CALD1: variants seen among roughly 807,000 people sequenced by gnomAD.
CALD1 encodes caldesmon 1.
In CALD1, 33 loss-of-function variants were observed where a neutral mutation model predicts 99.9. The ratio of observed to expected loss-of-function variants is 0.33; its 90% CI spans 0.25 to 0.44. The LOEUF (loss-of-function observed/expected upper bound fraction) is 0.44. CALD1 is among the 20% of genes least tolerant of loss of function. The probability of loss-of-function intolerance (pLI) is 1.00; values close to 1 mark genes in which losing one functional copy is unlikely to be tolerated. For synonymous variants in CALD1, 310 were observed against 325.0 expected (o/e 0.95, Z 0.50); for missense variants, 861 against 962.1 (o/e 0.89, Z 1.39).
At chr7:134,756,479 G>T (rs1030849273) in intron 1 of CALD1, among the ~76,000 whole-genome samples, 1 of 151,924 alleles carries the variant, frequency 6.6e-6, no homozygotes, top group African/African-American at 2.4e-5. Flanking sequence ...ATCTATTAGT[G>T]AGAGTTTGGG....
At position 134,851,551 on chromosome 7, in the gene CALD1, G is replaced by A. The variant is rs551568383; in HGVS notation, c.-42+7580G>A. Among the ~76,000 whole-genome samples the A allele has an allele frequency of 2.6e-5, 4 of 152,306 alleles. No individual in the cohort carries two copies. In the East Asian group the frequency reaches 5.8e-4, roughly 22 times the overall value. On this transcript the variant is annotated intron_variant, in intron 2 of 14. Transcript: ENST00000361675. The stretch of plus-strand genomic sequence containing the variant: ...TCATGACAAGCTAGGTTATGCTGGT[G>A]TCAGAAACAGCCAAAATCTCAGCAA...
chr7:134,850,557 T>C (rs1350880828), intron 2 of CALD1, among the ~76,000 whole-genome samples: 1 of 152,204 alleles, frequency 6.6e-6, no homozygotes, highest in African/African-American at 2.4e-5. Flanking sequence ...GCTTGGTACA[T>C]AGTAAGTGCT....
chr7:134,864,930 T>C (rs1800735633), intron 2 of CALD1, among the ~76,000 whole-genome samples: 1 of 152,148 alleles, frequency 6.6e-6, no homozygotes, highest in Non-Finnish European at 1.5e-5. Context: ...AATTTAGATT[T>C]TCATAAAACT....
intron 3 of CALD1, among the ~76,000 whole-genome samples, chr7:134,890,418 C>A (rs772306606): frequency 1.3e-5 from 2 of 152,170 alleles, no homozygotes; most frequent in African/African-American, 2.4e-5. Context: ...CCGCAGATCT[C>A]AAAGATCTCT....
At chr7:134,897,094 G>A (rs146142770) in intron 3 of CALD1, among the ~76,000 whole-genome samples, 107 of 152,308 alleles carry the variant, frequency 7.0e-4, no homozygotes, top group African/African-American at 2.5e-3. Context: ...GAATTTTTAA[G>A]AGGAGTCCTT....
chr7:134,802,144 T>C (rs1301887929), intron 1 of CALD1, among the ~76,000 whole-genome samples: 1 of 151,308 alleles, frequency 6.6e-6, no homozygotes, highest in African/African-American at 2.4e-5. Context: ...ATATATAAGG[T>C]ATAAGTTTGC....
At chr7:134,847,766 G>A (rs1383302216) in intron 2 of CALD1, among the ~76,000 whole-genome samples, 2 of 152,228 alleles carry the variant, frequency 1.3e-5, no homozygotes, top group Non-Finnish European at 2.9e-5. Context: ...GAGAAAGACT[G>A]TGCTGAGAAG....
chr7:134,847,603 A>T (rs4728338), intron 2 of CALD1, among the ~76,000 whole-genome samples: 1 of 152,158 alleles, frequency 6.6e-6, no homozygotes. Flanking sequence ...GGAAACCTCC[A>T]TAGTAAAGAG....
At chr7:134,816,626 C>T (rs985170238) in intron 1 of CALD1, among the ~76,000 whole-genome samples, 1 of 152,106 alleles carries the variant, frequency 6.6e-6, no homozygotes, top group African/African-American at 2.4e-5. Context: ...AAGATTTATG[C>T]TTATGCTGTT....
rs1160051695 is a variant in CALD1, at chr7:134,968,345, A to C, written c.2382A>C (p.Ter794CysextTer20). The C allele has an allele frequency of 6.2e-7, 1 of 1,613,686 alleles. No homozygotes were observed. The highest frequency in any genetic ancestry group is 2.2e-5 in the East Asian group (1 of 44,892). ...VDKVTSPTKV[*>C] The stretch of plus-strand genomic sequence containing the variant: ...AAGTTCTCTTCTCTTGGCAGGTTTG[A>C]GACAGTTCCAGAAAGAACCCAAGCT... The change falls in exon 15 of 15, where the codon TGA (stop) becomes TGC (cysteine). Residue 794 changes from the stop codon to cysteine, a stop_lost. Coordinates refer to ENST00000361675, the MANE Select transcript of CALD1 (RefSeq NM_033138.4).
At chr7:134,941,793 G>C (rs925302015) in intron 7 of CALD1, among the ~76,000 whole-genome samples, 2 of 152,154 alleles carry the variant, frequency 1.3e-5, no homozygotes, top group African/African-American at 2.4e-5. Flanking sequence ...AAGTCTCTAA[G>C]AGGGAGTGAG....
At chr7:134,911,198 C>CT (rs964515625) in intron 3 of CALD1, among the ~76,000 whole-genome samples, 1,793 of 118,088 alleles carry the variant, frequency 0.015, 26 homozygotes, top group African/African-American at 0.034. Context: ...TTTCCTTTTT[C>CT]TTTTTTTTTT....
intron 1 of CALD1, among the ~76,000 whole-genome samples, chr7:134,791,223 G>A (rs1797520277): frequency 6.6e-6 from 1 of 152,194 alleles, no homozygotes; most frequent in African/African-American, 2.4e-5. Flanking sequence ...TTGAGATGAA[G>A]TTTTGTTCTG....
chr7:134,742,016 T>TACACACACAC (rs112633191), upstream of CALD1, among the ~76,000 whole-genome samples: 13,129 of 147,854 alleles, frequency 0.089, 661 homozygotes, highest in East Asian at 0.12. Flanking sequence ...GAGGTATTGA[T>TACACACACAC]ACACACACAC....
At chr7:134,891,355 C>A in intron 3 of CALD1, 1 of 1,223,320 alleles carries the variant, frequency 8.2e-7, no homozygotes, top group Non-Finnish European at 1.0e-6. Context: ...AGAGAGATTA[C>A]AGTAAAAAAT....
intron 2 of CALD1, among the ~76,000 whole-genome samples, chr7:134,847,747 C>T (rs996118721): frequency 2.0e-5 from 3 of 152,156 alleles, no homozygotes; most frequent in African/African-American, 7.2e-5. Flanking sequence ...CCTGGCATGA[C>T]CATTGACAGA....
At chr7:134,858,955 A>G (rs139841603) in intron 2 of CALD1, among the ~76,000 whole-genome samples, 1 of 152,222 alleles carries the variant, frequency 6.6e-6, no homozygotes, top group Admixed American at 6.5e-5. Flanking sequence ...TATGGGGGCC[A>G]CTAAACACAT....
upstream of CALD1, among the ~76,000 whole-genome samples, chr7:134,742,975 T>G (rs1452371138): frequency 2.6e-5 from 4 of 152,198 alleles, no homozygotes; most frequent in African/African-American, 9.7e-5. Flanking sequence ...CCTTTCTGCC[T>G]CAGTTTGTAA....
chr7:134,862,770 T>A (rs1800617443), intron 2 of CALD1, among the ~76,000 whole-genome samples: 1 of 152,250 alleles, frequency 6.6e-6, no homozygotes, highest in Admixed American at 6.5e-5. Context: ...TTGGAACAAA[T>A]GTACCACACT....
Sources: allele counts gnomAD v4.1 joint callset (sites outside exome capture counted in the v4.1 genomes callset), GRCh38; gene constraint gnomAD v4.1.1; transcripts MANE v1.5; gene names NCBI Gene and HGNC (gene_info 2026-07-23, HGNC 2026-07-21).